Variants in RBFOX1 observed in about 807,000 individuals in gnomAD.
RBFOX1 encodes the protein RNA binding fox-1 homolog 1.
In RBFOX1, 8 loss-of-function variants were observed where a neutral mutation model predicts 57.7. The ratio of observed to expected loss-of-function variants is 0.14; its 90% confidence interval spans 0.08 to 0.25. RBFOX1 has a LOEUF of 0.25. RBFOX1 is among the 10% of genes least tolerant of loss of function. The probability of loss-of-function intolerance (pLI) is 1.00; values close to 1 mark genes in which losing one functional copy is unlikely to be tolerated. For missense variants in RBFOX1, 611 were observed against 548.5 expected (o/e 1.11, Z -1.14); for synonymous variants, 326 against 222.4 (o/e 1.47, Z -4.15).
chr16:6,680,421 C>T (rs1344099469), intron 3 of RBFOX1, among the ~76,000 whole-genome samples: 1 of 152,086 alleles, frequency 6.6e-6, no homozygotes, highest in South Asian at 2.1e-4. Flanking sequence ...TGCCACCACA[C>T]CTGGCTAATT....
rs2059414571 is a variant in RBFOX1 at position 5,947,071 on chromosome 16, A to G, written c.351+79736A>G. Among the ~76,000 whole-genome samples, 1 of 152,082 alleles carries G rather than the reference A, an allele frequency of 6.6e-6. No homozygotes were observed. Among genetic ancestry groups the G allele is most frequent in the Admixed American group, 6.5e-5 (1 of 15,276 alleles). ...TACAAAATAAAGTGAAAATAAAATC[A>G]TCCCATGTGGTTGTGCATACTGTAG... On this transcript the variant is annotated intron_variant, in intron 4 of 19. Coordinates refer to the RBFOX1 transcript ENST00000641259. This position sits in a 1 kb window ranked among gnomAD's most constrained non-coding sequence, Gnocchi z 7.2.
chr16:7,403,269 T>G (rs2098274900), intron 4 of RBFOX1, among the ~76,000 whole-genome samples: 2 of 152,140 alleles, frequency 1.3e-5, no homozygotes, highest in African/African-American at 4.8e-5. Context: ...TCAGCAAACT[T>G]CAAGTATACA....
chr16:5,641,130 A>T (rs1349522274), intron 3 of RBFOX1, among the ~76,000 whole-genome samples: 1 of 150,766 alleles, frequency 6.6e-6, no homozygotes, highest in African/African-American at 2.4e-5. Context: ...GCATACACAC[A>T]TGCACACCAT....
At chr16:7,206,628 A>C (rs894366213) in intron 4 of RBFOX1, among the ~76,000 whole-genome samples, 5 of 152,082 alleles carry the variant, frequency 3.3e-5, no homozygotes, top group Non-Finnish European at 7.4e-5. Context: ...AAGTGCTAAG[A>C]ATGCTGTCTT....
rs2095397017 is a variant in RBFOX1 at position 7,274,255 on chromosome 16, A to G, written c.27+222157A>G. On this transcript the variant is annotated intron_variant, in intron 4 of 15. Transcript: ENST00000550418. The stretch of plus-strand genomic sequence containing the variant: ...TACTATGTTCCGAGTAATGTTAGGA[A>G]CTGCTTGCATTGTCATTTAATCGTC... 3.9e-5 allele frequency among the ~76,000 whole-genome samples: 6 copies of G among 152,218 alleles called. No homozygotes were observed. In the South Asian group the frequency reaches 1.2e-3, roughly 31 times the overall value.
chr16:5,789,533 C>T (rs568218925), intron 3 of RBFOX1, among the ~76,000 whole-genome samples: 1 of 152,244 alleles, frequency 6.6e-6, no homozygotes, highest in South Asian at 2.1e-4. Context: ...GTGTTAGTTT[C>T]ATCATCATCA....
intron 3 of RBFOX1, among the ~76,000 whole-genome samples, chr16:5,808,475 T>C (rs2055307004): frequency 6.6e-6 from 1 of 152,228 alleles, no homozygotes; most frequent in African/African-American, 2.4e-5. Flanking sequence ...GGTAGCTTGA[T>C]GGAGATGGCA....
intron 3 of RBFOX1, among the ~76,000 whole-genome samples, chr16:5,722,522 A>G (rs2051973851): frequency 6.6e-6 from 1 of 152,120 alleles, no homozygotes; most frequent in African/African-American, 2.4e-5. Flanking sequence ...CAGGGGATCA[A>G]GGGGGGCATT....
intron 1 of RBFOX1, among the ~76,000 whole-genome samples, chr16:5,376,530 G>C (rs1339103751): frequency 6.6e-6 from 1 of 152,182 alleles, no homozygotes; most frequent in South Asian, 2.1e-4. Context: ...GGAGAGTCGG[G>C]AAAGGCAGCA....
chr16:5,415,355 G>C (rs2067134191), intron 1 of RBFOX1, among the ~76,000 whole-genome samples: 1 of 152,158 alleles, frequency 6.6e-6, no homozygotes. Flanking sequence ...CACGAGAACA[G>C]CATAGGGAAA....
At position 7,092,033 on chromosome 16, in the gene RBFOX1, A is replaced by G. The variant is rs186884054; in HGVS notation, c.27+39935A>G. Among the ~76,000 whole-genome samples, 15 of 152,358 alleles carry G rather than the reference A, an allele frequency of 9.8e-5. No individual in the cohort carries two copies. The East Asian group carries it at 2.9e-3, about 29-fold the overall frequency. On this transcript the variant is annotated intron_variant, in intron 4 of 15. Transcript: ENST00000550418. The stretch of plus-strand genomic sequence containing the variant: ...TAGTAAAATTAGTCAATGAGAAAAA[A>G]AATAAATAGCACCACCTCTTCTAGC...
chr16:6,614,583 A>C (rs1009817319), intron 2 of RBFOX1, among the ~76,000 whole-genome samples: 2 of 152,042 alleles, frequency 1.3e-5, no homozygotes, highest in Non-Finnish European at 2.9e-5. Flanking sequence ...CTAGTTCTGG[A>C]GGTTGCATGT....
chr16:5,475,662 C>T (rs62016435), intron 2 of RBFOX1, among the ~76,000 whole-genome samples: 8,420 of 152,308 alleles, frequency 0.055, 325 homozygotes, highest in Non-Finnish European at 0.079. Context: ...ATCTTTGTGA[C>T]AACCCAGTGA....
At chr16:6,191,850 T>C (rs559014710) in intron 1 of RBFOX1, among the ~76,000 whole-genome samples, 1 of 152,264 alleles carries the variant, frequency 6.6e-6, no homozygotes, top group Admixed American at 6.5e-5. Flanking sequence ...GCACTAGATT[T>C]CCTAACAGAA....
intron 1 of RBFOX1, among the ~76,000 whole-genome samples, chr16:6,154,185 G>T (rs924907639): frequency 6.6e-6 from 1 of 152,152 alleles, no homozygotes; most frequent in Non-Finnish European, 1.5e-5. Context: ...TCTCAGCCTG[G>T]ACTTGGTCAT....
intron 14 of RBFOX1, among the ~76,000 whole-genome samples, chr16:7,694,522 G>C (rs547751874): frequency 6.6e-6 from 1 of 152,200 alleles, no homozygotes; most frequent in Non-Finnish European, 1.5e-5. Context: ...AGTTCAAGAG[G>C]TATGCATGAT....
intron 4 of RBFOX1, among the ~76,000 whole-genome samples, chr16:7,399,523 G>T (rs1300864754): frequency 1.3e-5 from 2 of 152,134 alleles, no homozygotes; most frequent in Non-Finnish European, 2.9e-5. Context: ...TGGAGACTTT[G>T]GATACTTTGA....
intron 2 of RBFOX1, among the ~76,000 whole-genome samples, chr16:6,555,725 AAC>A (rs2097088734): frequency 6.6e-6 from 1 of 152,040 alleles, no homozygotes; most frequent in African/African-American, 2.4e-5. Context: ...AAAACAAACA[AAC>A]AAAAAAGATA....
intron 1 of RBFOX1, among the ~76,000 whole-genome samples, chr16:6,121,488 C>T (rs563921523): frequency 6.6e-6 from 1 of 152,278 alleles, no homozygotes; most frequent in Non-Finnish European, 1.5e-5. Context: ...CCCAGTACCC[C>T]CAAATTCTAG....
Sources: gnomAD v4.1 joint callset for allele counts (sites outside exome capture counted in the v4.1 genomes callset) on GRCh38, gnomAD v4.1.1 for gene constraint, Gnocchi (gnomAD v3.1) non-coding constraint, MANE v1.5 for transcripts, NCBI Gene and HGNC (gene_info 2026-07-23, HGNC 2026-07-21) for gene names.